The following SSBP2 variants were observed in gnomAD, a reference collection of about 807,000 sequenced individuals.
The protein encoded by SSBP2 is single stranded DNA binding protein 2, also known as single-stranded DNA-binding protein 2.
In SSBP2, 17 loss-of-function variants were observed where a neutral mutation model predicts 61.8. That is an observed-to-expected ratio of 0.28 (90% CI 0.19 to 0.41). The LOEUF is 0.41. SSBP2 is among the 10% of genes least tolerant of loss of function. SSBP2 has a pLI of 1.00. For synonymous variants in SSBP2, 139 were observed against 141.3 expected, an observed-to-expected ratio of 0.98 and a Z score of 0.12; for missense variants, 310 against 458.7, an observed-to-expected ratio of 0.68 and a Z score of 2.96.
chr5:81,577,309 T>G (rs1270848805), intron 4 of SSBP2, among the ~76,000 whole-genome samples: 4 of 152,030 alleles, frequency 2.6e-5, no homozygotes, highest in Admixed American at 2.6e-4. Context: ...TCAGTCAAAG[T>G]AAGTAATAAA....
chr5:81,435,218 C>G (rs1265537675), intron 15 of SSBP2, among the ~76,000 whole-genome samples: 1 of 152,232 alleles, frequency 6.6e-6, no homozygotes, highest in Middle Eastern at 3.4e-3. Flanking sequence ...TTTTATTTAT[C>G]CAATTCGTTT....
At chr5:81,526,245 T>A (rs1180319593) in intron 4 of SSBP2, among the ~76,000 whole-genome samples, 2 of 152,106 alleles carry the variant, frequency 1.3e-5, no homozygotes, top group Non-Finnish European at 2.9e-5. Flanking sequence ...ACACTATTGT[T>A]AGCACAGATC....
At chr5:81,591,379 A>T (rs1581110506) in intron 4 of SSBP2, among the ~76,000 whole-genome samples, 2 of 152,320 alleles carry the variant, frequency 1.3e-5, no homozygotes, top group East Asian at 3.9e-4. Context: ...TAATCTTTCA[A>T]CCAAAAAGTA....
intron 4 of SSBP2, among the ~76,000 whole-genome samples, chr5:81,577,552 C>A (rs1774305447): frequency 1.3e-5 from 2 of 151,876 alleles, no homozygotes; most frequent in South Asian, 4.1e-4. Flanking sequence ...TGTTCCACAG[C>A]AAAGTAAAAT....
At chr5:81,690,930 T>A (rs1024435219) in intron 1 of SSBP2, among the ~76,000 whole-genome samples, 18 of 152,060 alleles carry the variant, frequency 1.2e-4, no homozygotes, top group African/African-American at 4.3e-4. Context: ...GGGAACTATA[T>A]AAACACAGGT....
chr5:81,670,299 C>T lies in SSBP2; in HGVS notation c.63-19960G>A, dbSNP rs899958332. On this transcript the variant is annotated intron_variant, in intron 1 of 16. Transcript: ENST00000320672. ...ATATGGGAAATCTCTATATCTTCCACGCAATTTGCTGTGAACCTAAAAGTT... is the reference window on the plus strand; with the variant it reads ...ATATGGGAAATCTCTATATCTTCCATGCAATTTGCTGTGAACCTAAAAGTT... Among the ~76,000 whole-genome samples, 60 of 152,092 alleles carry T rather than the reference C, an allele frequency of 3.9e-4. 1 individual carries two copies. The highest frequency in any genetic ancestry group is 3.5e-3 in the Admixed American group (53 of 15,252).
Position 81,729,152 on chromosome 5 carries a change from G to C in SSBP2, c.62+21829C>G, listed in dbSNP as rs529360612. On this transcript the variant is annotated intron_variant, in intron 1 of 16. Coordinates refer to ENST00000320672, the MANE Select transcript of SSBP2 (RefSeq NM_012446.5). Reference sequence around the variant, plus strand: ...AAATATTAAAAATAAAAATTATAATGTTAATGGGTTAAAAAATAAATATGC... The same window carrying C: ...AAATATTAAAAATAAAAATTATAATCTTAATGGGTTAAAAAATAAATATGC... 1.7e-4 allele frequency among the ~76,000 whole-genome samples: 26 copies of C among 152,070 alleles called. No individual in the cohort carries two copies. In the South Asian group the frequency reaches 5.0e-3, roughly 29 times the overall value.
Position 81,414,941 on chromosome 5 carries a change from G to C in SSBP2, c.*5563C>G, listed in dbSNP as rs1761249269. On this transcript the variant is annotated 3_prime_UTR_variant, in exon 17 of 17. Transcript: ENST00000320672. The stretch of plus-strand genomic sequence containing the variant: ...TTACTATTCCCAACACACACACACA[G>C]GTACACGCAACATATTTAGTATGCA... 1 of 152,098 alleles carries C rather than the reference G, an allele frequency of 6.6e-6. No individual in the cohort carries two copies. The allele number at this position is 152,098 out of a possible 1,614,324, so 9.4% of individuals were successfully genotyped here.
chr5:81,677,704 G>C (rs1037917729), intron 1 of SSBP2, among the ~76,000 whole-genome samples: 2 of 152,052 alleles, frequency 1.3e-5, no homozygotes, highest in African/African-American at 4.8e-5. Context: ...AACCAGGTCT[G>C]CTCTCAGGAA....
chr5:81,472,926 T>A (rs1765345489), intron 8 of SSBP2, among the ~76,000 whole-genome samples: 1 of 152,166 alleles, frequency 6.6e-6, no homozygotes, highest in Non-Finnish European at 1.5e-5. Flanking sequence ...AACTTAACCA[T>A]CTCCTCAGCA....
chr5:81,743,465 G>C (rs1188214523), intron 1 of SSBP2, among the ~76,000 whole-genome samples: 1 of 152,032 alleles, frequency 6.6e-6, no homozygotes, highest in Non-Finnish European at 1.5e-5. Flanking sequence ...ATGACTATTT[G>C]AAGTTGCCTA....
chr5:81,461,143 T>G, intron 9 of SSBP2, 40 bp from the exon 10 acceptor site: 1 of 1,468,690 alleles, frequency 6.8e-7, no homozygotes, highest in Non-Finnish European at 9.3e-7. Flanking sequence ...AACCTATGCT[T>G]TGAAGGTTTC....
chr5:81,625,212 T>C (rs997141887), intron 3 of SSBP2, among the ~76,000 whole-genome samples: 2 of 152,180 alleles, frequency 1.3e-5, no homozygotes, highest in African/African-American at 4.8e-5. Context: ...GTAAGTTTCA[T>C]AGCAATACTT....
chr5:81,726,083 G>A (rs915591132), intron 1 of SSBP2, among the ~76,000 whole-genome samples: 2 of 152,050 alleles, frequency 1.3e-5, no homozygotes, highest in African/African-American at 4.8e-5. Context: ...ACATTAGTAC[G>A]AACATCTATG....
chr5:81,440,115 A>C (rs1213895181), intron 14 of SSBP2, among the ~76,000 whole-genome samples: 1 of 152,164 alleles, frequency 6.6e-6, no homozygotes, highest in Non-Finnish European at 1.5e-5. Context: ...AAACATAAAA[A>C]TCCAAAAACA....
intron 1 of SSBP2, among the ~76,000 whole-genome samples, chr5:81,726,867 A>C (rs193035897): frequency 6.6e-6 from 1 of 152,194 alleles, no homozygotes; most frequent in Non-Finnish European, 1.5e-5. Flanking sequence ...TGAATGAACT[A>C]AAGTCCCACA....
chr5:81,502,837 C>T (rs969014820), intron 5 of SSBP2, among the ~76,000 whole-genome samples: 2 of 152,170 alleles, frequency 1.3e-5, no homozygotes, highest in Non-Finnish European at 2.9e-5. Flanking sequence ...AACGTAAGAG[C>T]TTCTGCACAG....
intron 4 of SSBP2, among the ~76,000 whole-genome samples, chr5:81,603,458 C>T (rs1050429907): frequency 6.6e-6 from 1 of 152,196 alleles, no homozygotes; most frequent in Admixed American, 6.5e-5. Context: ...CCATCACTTC[C>T]ACTCCATTCT....
chr5:81,739,236 T>C (rs1756841680), intron 1 of SSBP2, among the ~76,000 whole-genome samples: 1 of 151,570 alleles, frequency 6.6e-6, no homozygotes. Flanking sequence ...AAGGCTGTTC[T>C]TGAAATAGTT....
Sources: allele counts gnomAD v4.1 joint callset (sites outside exome capture counted in the v4.1 genomes callset), GRCh38; gene constraint gnomAD v4.1.1; transcripts MANE v1.5; gene names NCBI Gene and HGNC (gene_info 2026-07-23, HGNC 2026-07-21).